DPP4: variants seen among roughly 807,000 people sequenced by gnomAD.
DPP4 encodes the protein ADCP-2.
DPP4 carries 93 observed loss-of-function variants against 122.4 expected under a neutral mutation model. The observed-to-expected ratio is 0.76, with a 90% CI of 0.64 to 0.90. DPP4 has a LOEUF of 0.90. Among genes scored for constraint, DPP4 ranks in the 40% least tolerant of loss-of-function variants. The pLI is 0.00. For missense variants in DPP4, 914 were observed against 907.3 expected (o/e 1.01, Z -0.09); for synonymous variants, 321 against 302.9 (o/e 1.06, Z -0.62).
chr2:162,038,401 T>G lies in DPP4; in HGVS notation c.514A>C (p.Ile172Leu). Reference protein sequence around the residue: ...HKLAYVWNNDIYVKIEPNLPS... With the variant: ...HKLAYVWNNDLYVKIEPNLPS... ...AAATTTGGTTCAATTTTAACATAAA[T>G]GTCATTGTTCCAAACATATGCCTAG... Residue 172 changes from isoleucine (I) to leucine (L), a missense_variant, in exon 8 of 26, where the codon ATT (isoleucine) becomes CTT (leucine). By Grantham distance (5) the Ile-to-Leu change is conservative. Transcript: ENST00000360534. The G allele has an allele frequency of 1.2e-6, 2 of 1,607,236 alleles. No homozygotes were observed. Among genetic ancestry groups the G allele is most frequent in the Non-Finnish European group, 1.7e-6 (2 of 1,176,784 alleles).
At chr2:162,004,178 G>A (rs952672350) in intron 23 of DPP4, among the ~76,000 whole-genome samples, 15 of 152,218 alleles carry the variant, frequency 9.9e-5, no homozygotes, top group African/African-American at 3.6e-4. Flanking sequence ...GGGCTTAGTT[G>A]AGTACACAAG....
Position 162,013,598 on chromosome 2 carries a change from A to C in DPP4, c.1637+798T>G, listed in dbSNP as rs1339681473. Among the ~76,000 whole-genome samples the C allele has an allele frequency of 2.6e-5, 4 of 152,172 alleles. No individual in the cohort carries two copies. In the East Asian group the frequency reaches 7.7e-4, roughly 29 times the overall value. On this transcript the variant is annotated intron_variant, in intron 19 of 25. Transcript: ENST00000360534. ...TCAATGTCTTTTTCCGTATAATGGA[A>C]CAACAGAACTTACTATATGGGTTTG...
intron 10 of DPP4, among the ~76,000 whole-genome samples, chr2:162,026,902 G>A (rs1683349276): frequency 1.3e-5 from 2 of 152,072 alleles, no homozygotes; most frequent in South Asian, 4.2e-4. Flanking sequence ...TCAATTAAGG[G>A]TCAGAGAGTT....
intron 23 of DPP4, 28 bp downstream of exon 23, chr2:162,005,716 TA>T: frequency 1.3e-6 from 2 of 1,584,430 alleles, no homozygotes; most frequent in Non-Finnish European, 8.6e-7. Context: ...AAATAGGTTA[TA>T]AAATAGGTAT....
chr2:162,043,707 A>T (rs1684071212), intron 5 of DPP4, among the ~76,000 whole-genome samples: 1 of 152,178 alleles, frequency 6.6e-6, no homozygotes. Context: ...CCTGGTTGCC[A>T]TTACAATCAC....
rs753019898 is a variant in DPP4, at chr2:162,005,739, T to C, written c.2052+6A>G. 1.2e-6 allele frequency: 2 copies of C among 1,611,952 alleles called. No individual in the cohort carries two copies. Among genetic ancestry groups the C allele is most frequent in the Non-Finnish European group, 1.7e-6 (2 of 1,178,610 alleles). On this transcript the variant is annotated splice_donor_region_variant and intron_variant, in intron 23 of 25. Transcript: ENST00000360534. ...TATAAAATAGGTATAGGTCCTCATC[T>C]CTTACTCTGTAATGGTCAAGGTTGT...
At chr2:162,065,138 C>T (rs1439500271) in intron 2 of DPP4, among the ~76,000 whole-genome samples, 1 of 152,184 alleles carries the variant, frequency 6.6e-6, no homozygotes, top group Non-Finnish European at 1.5e-5. Context: ...TCAATCACGG[C>T]AATTCATTCT....
chr2:162,013,432 T>C (rs1277491464), intron 19 of DPP4, among the ~76,000 whole-genome samples: 2 of 152,158 alleles, frequency 1.3e-5, no homozygotes, highest in Non-Finnish European at 2.9e-5. Context: ...TTTCCTTTCT[T>C]TGTGCTTTTA....
intron 2 of DPP4, among the ~76,000 whole-genome samples, chr2:162,062,313 AT>A (rs1056114088): frequency 1.3e-5 from 2 of 152,056 alleles, no homozygotes; most frequent in Non-Finnish European, 2.9e-5. Flanking sequence ...AATTAAAACA[AT>A]TTTATCACTA....
intron 23 of DPP4, among the ~76,000 whole-genome samples, chr2:162,003,321 C>T (rs1045692617): frequency 1.4e-4 from 22 of 151,942 alleles, no homozygotes; most frequent in East Asian, 5.8e-4. Context: ...AGGGGGAACT[C>T]GGTGGGAACG....
intron 2 of DPP4, among the ~76,000 whole-genome samples, chr2:162,055,978 C>A (rs1171453138): frequency 6.6e-6 from 1 of 152,226 alleles, no homozygotes. Flanking sequence ...CAGGCTCATG[C>A]CTGCCTCAGA....
intron 8 of DPP4, among the ~76,000 whole-genome samples, chr2:162,037,206 T>A (rs185823600): frequency 1.8e-4 from 28 of 152,294 alleles, no homozygotes; most frequent in Non-Finnish European, 3.4e-4. Flanking sequence ...CCAGCAATTA[T>A]CTACTTTAGA....
intron 5 of DPP4, among the ~76,000 whole-genome samples, chr2:162,039,953 T>A (rs1683930480): frequency 6.6e-6 from 1 of 151,846 alleles, no homozygotes. Context: ...ATGACTGGTA[T>A]CAGAAAGGAA....
intron 4 of DPP4, among the ~76,000 whole-genome samples, chr2:162,045,840 CT>C (rs531973056): frequency 5.5e-4 from 83 of 152,250 alleles, no homozygotes; most frequent in Non-Finnish European, 9.3e-4. Context: ...GGAAAGATGC[CT>C]GCGAGAGTGA....
rs541319254 is a variant in DPP4 at position 162,011,975 on chromosome 2, T to C, written c.1650A>G (p.Pro550=). 6 of 1,612,986 alleles carry C rather than the reference T, an allele frequency of 3.7e-6. No homozygotes were observed. The South Asian group carries it at 5.5e-5, about 15-fold the overall frequency. Residue 550 remains proline, a synonymous_variant, in exon 20 of 26, where the codon CCA becomes CCG. Transcript: ENST00000360534. ...YPLLLDVYAG[P]CSQKADTVFR... Reference sequence around the variant, plus strand: ...AGACAGTGTCTGCTTTTTGACTACATGGGCCTGCATACCTATGAAAAATAC... The same window carrying C: ...AGACAGTGTCTGCTTTTTGACTACACGGGCCTGCATACCTATGAAAAATAC...
At chr2:162,041,428 A>G (rs1450004934) in intron 5 of DPP4, among the ~76,000 whole-genome samples, 1 of 152,180 alleles carries the variant, frequency 6.6e-6, no homozygotes, top group African/African-American at 2.4e-5. Flanking sequence ...GAGACGGATG[A>G]AATAGGTATC....
chr2:162,070,053 T>C (rs1026819672), intron 2 of DPP4, among the ~76,000 whole-genome samples: 1 of 152,254 alleles, frequency 6.6e-6, no homozygotes, highest in African/African-American at 2.4e-5. Flanking sequence ...TGCATGTGAA[T>C]TTTATTACCA....
At chr2:162,017,782 T>G (rs1329930241) in intron 16 of DPP4, among the ~76,000 whole-genome samples, 1 of 152,234 alleles carries the variant, frequency 6.6e-6, no homozygotes, top group Non-Finnish European at 1.5e-5. Context: ...AGCTCTTTAA[T>G]TTTATGTGTT....
intron 22 of DPP4, among the ~76,000 whole-genome samples, chr2:162,008,187 C>A (rs1437115474): frequency 6.6e-6 from 1 of 152,110 alleles, no homozygotes; most frequent in African/African-American, 2.4e-5. Context: ...CAAAGCCCTA[C>A]TTGTATTTGA....
Sources: allele counts gnomAD v4.1 joint callset (sites outside exome capture counted in the v4.1 genomes callset), GRCh38; gene constraint gnomAD v4.1.1; transcripts MANE v1.5; gene names NCBI Gene and HGNC (gene_info 2026-07-23, HGNC 2026-07-21).